The following CNTN5 variants were observed in gnomAD, a reference collection of about 807,000 sequenced individuals.
The protein encoded by CNTN5 is contactin 5.
In CNTN5, 77 loss-of-function variants were observed where a neutral mutation model predicts 129.1. The ratio of observed to expected loss-of-function variants is 0.60; its 90% CI spans 0.50 to 0.72. The LOEUF (loss-of-function observed/expected upper bound fraction) is 0.72. Among genes scored for constraint, CNTN5 ranks in the 30% least tolerant of loss-of-function variants. CNTN5 has a pLI of 0.00. For missense variants in CNTN5, 1,478 were observed against 1,328.8 expected, an observed-to-expected ratio of 1.11 and a Z score of -1.75; for synonymous variants, 509 against 465.6, an observed-to-expected ratio of 1.09 and a Z score of -1.20.
chr11:99,767,022 G>A (rs1421120981), intron 3 of CNTN5, among the ~76,000 whole-genome samples: 2 of 151,786 alleles, frequency 1.3e-5, no homozygotes, highest in Non-Finnish European at 2.9e-5. Context: ...ATCATTCCTC[G>A]CCTTCTCTTG....
chr11:99,071,195 A>G (rs1865327239), intron 1 of CNTN5, among the ~76,000 whole-genome samples: 1 of 152,180 alleles, frequency 6.6e-6, no homozygotes, highest in Non-Finnish European at 1.5e-5. Flanking sequence ...CATAAAATAT[A>G]TACTAGAGGT....
chr11:99,825,162 A>C (rs1946914521), intron 4 of CNTN5, among the ~76,000 whole-genome samples: 1 of 152,026 alleles, frequency 6.6e-6, no homozygotes, highest in Admixed American at 6.6e-5. Flanking sequence ...GGAAAACAGA[A>C]AAGGTTTGGT....
chr11:100,039,344 T>A lies in CNTN5; in HGVS notation c.981-21868T>A, dbSNP rs547978591. ...AGTTTCTGCCCAGAGATCAGCTGTTTGTCTGATGGGCTTCCCTTTGAGGGT... is the reference window on the plus strand; with the variant it reads ...AGTTTCTGCCCAGAGATCAGCTGTTAGTCTGATGGGCTTCCCTTTGAGGGT... On this transcript the variant is annotated intron_variant, in intron 9 of 24. Coordinates refer to ENST00000524871, the MANE Select transcript of CNTN5 (RefSeq NM_014361.4). Among the ~76,000 whole-genome samples the A allele has an allele frequency of 8.2e-3, 1,242 of 152,342 alleles. 13 individuals are homozygous for A. Among genetic ancestry groups the A allele is most frequent in the African/African-American group, 0.025 (1,052 of 41,582 alleles).
intron 6 of CNTN5, among the ~76,000 whole-genome samples, chr11:99,859,316 A>G (rs1485506692): frequency 7.2e-5 from 11 of 152,196 alleles, no homozygotes; most frequent in Non-Finnish European, 1.3e-4. Flanking sequence ...ACATATGCAC[A>G]TTTAGGCCAT....
At chr11:99,924,214 G>A (rs1941449839) in intron 7 of CNTN5, among the ~76,000 whole-genome samples, 1 of 152,112 alleles carries the variant, frequency 6.6e-6, no homozygotes, top group Admixed American at 6.5e-5. Flanking sequence ...CATGGTTGCT[G>A]GCTGCTTGTA....
intron 15 of CNTN5, among the ~76,000 whole-genome samples, chr11:100,216,529 C>T (rs921675365): frequency 7.2e-5 from 11 of 151,800 alleles, no homozygotes; most frequent in African/African-American, 2.4e-4. Flanking sequence ...ACATGACTAA[C>T]TGAGGACACG....
chr11:99,157,320 C>T (rs1860384729), intron 1 of CNTN5, among the ~76,000 whole-genome samples: 1 of 151,962 alleles, frequency 6.6e-6, no homozygotes, highest in Admixed American at 6.5e-5. Flanking sequence ...TTTTAAGAAA[C>T]TATCCTGTTA....
chr11:99,618,650 C>T (rs1296094791), intron 3 of CNTN5, among the ~76,000 whole-genome samples: 1 of 152,136 alleles, frequency 6.6e-6, no homozygotes, highest in Admixed American at 6.5e-5. Flanking sequence ...AGCCTGTCAT[C>T]AGTTCTTCTA....
At chr11:99,629,620 CTCA>C (rs5794008) in intron 3 of CNTN5, among the ~76,000 whole-genome samples, 21,840 of 91,752 alleles carry the variant, frequency 0.24, 1,782 homozygotes, top group South Asian at 0.33. Flanking sequence ...TTAGATTTTT[CTCA>C]TCATCAAAAA....
chr11:99,134,754 T>G (rs1489295943), intron 1 of CNTN5, among the ~76,000 whole-genome samples: 1 of 152,118 alleles, frequency 6.6e-6, no homozygotes. Flanking sequence ...CAAAACAAAA[T>G]AAATTATGTA....
chr11:99,907,557 T>A (rs1256332537), intron 6 of CNTN5, among the ~76,000 whole-genome samples: 2 of 151,802 alleles, frequency 1.3e-5, no homozygotes, highest in East Asian at 3.9e-4. Context: ...TGGGGCTGTA[T>A]ACATATATTA....
At chr11:99,383,125 G>A (rs899220581) in intron 2 of CNTN5, among the ~76,000 whole-genome samples, 2 of 151,816 alleles carry the variant, frequency 1.3e-5, no homozygotes, top group African/African-American at 2.4e-5. Flanking sequence ...AAAGTGCTGG[G>A]ATAACAGGCA....
chr11:99,658,650 T>TG (rs1555067202), intron 3 of CNTN5, among the ~76,000 whole-genome samples: 5 of 148,268 alleles, frequency 3.4e-5, no homozygotes, highest in Non-Finnish European at 3.0e-5. Context: ...GACAGGTGGA[T>TG]CACCTGAGGT....
At chr11:99,946,695 A>T (rs1950560006) in intron 7 of CNTN5, among the ~76,000 whole-genome samples, 1 of 152,120 alleles carries the variant, frequency 6.6e-6, no homozygotes, top group African/African-American at 2.4e-5. Flanking sequence ...TATCTCTGAT[A>T]GAACATGAAT....
At chr11:99,600,555 G>C (rs533990181) in intron 3 of CNTN5, among the ~76,000 whole-genome samples, 5 of 152,100 alleles carry the variant, frequency 3.3e-5, no homozygotes, top group Non-Finnish European at 7.4e-5. Flanking sequence ...CAGCTTCCCA[G>C]GGCAAACTGC....
intron 2 of CNTN5, among the ~76,000 whole-genome samples, chr11:99,331,736 A>G (rs967213631): frequency 2.0e-5 from 3 of 152,172 alleles, no homozygotes; most frequent in Non-Finnish European, 4.4e-5. Flanking sequence ...ATCTCTGCAC[A>G]TTCAGTGTCT....
intron 9 of CNTN5, among the ~76,000 whole-genome samples, chr11:100,018,155 T>A (rs1046390784): frequency 5.9e-5 from 9 of 152,140 alleles, no homozygotes; most frequent in South Asian, 2.1e-4. Context: ...TATTGCCATA[T>A]AATTGGAACA....
intron 3 of CNTN5, among the ~76,000 whole-genome samples, chr11:99,794,311 G>A (rs1945858558): frequency 6.6e-6 from 1 of 151,736 alleles, no homozygotes; most frequent in African/African-American, 2.4e-5. Flanking sequence ...GTGAAAGTAT[G>A]GGTGTCACTG....
At chr11:99,090,777 C>G (rs1866211403) in intron 1 of CNTN5, among the ~76,000 whole-genome samples, 1 of 148,844 alleles carries the variant, frequency 6.7e-6, no homozygotes, top group African/African-American at 2.5e-5. Flanking sequence ...AATCCCAGCA[C>G]TTTGGGAGAC....
Sources: gnomAD v4.1 joint callset for allele counts (sites outside exome capture counted in the v4.1 genomes callset) on GRCh38, gnomAD v4.1.1 for gene constraint, MANE v1.5 for transcripts, NCBI Gene and HGNC (gene_info 2026-07-23, HGNC 2026-07-21) for gene names.